Variants in PCDHGB4 observed in about 807,000 individuals in gnomAD.
The protein encoded by PCDHGB4 is protocadherin gamma subfamily B, 4.
In PCDHGB4, 38 loss-of-function variants were observed where a neutral mutation model predicts 60.5. The ratio of observed to expected loss-of-function variants is 0.63; its 90% CI spans 0.48 to 0.82. The LOEUF (loss-of-function observed/expected upper bound fraction) is 0.82. Among genes scored for constraint, PCDHGB4 ranks in the 40% least tolerant of loss-of-function variants. The pLI, the probability that PCDHGB4 is intolerant of heterozygous loss-of-function variation, is 0.00. For synonymous variants in PCDHGB4, 456 were observed against 509.7 expected (o/e 0.89, Z 1.42); for missense variants, 1,109 against 1,209.6 (o/e 0.92, Z 1.23).
In PCDHGB4 at chr5:141,388,782, A is replaced by G. The variant is rs1589071559; in HGVS notation, c.898A>G (p.Thr300Ala). ...CCTGAACTCTAACACCGGGGAAATTACTGTTTTAAATACATTAGATTTTGA... is the reference window on the plus strand; with the variant it reads ...CCTGAACTCTAACACCGGGGAAATTGCTGTTTTAAATACATTAGATTTTGA... ...FDLNSNTGEI[T>A]VLNTLDFEEV... Residue 300 changes from threonine to alanine, a missense_variant, in exon 1 of 4, where the codon ACT (threonine) becomes GCT (alanine). By Grantham distance (58) the Thr-to-Ala change is moderately conservative. Around this residue, in one of 2 missense-constraint regions of PCDHGB4, gnomAD observed 1,068 missense variants for 1,089.9 expected, o/e 0.98. Transcript: ENST00000519479. 1 of 1,613,902 alleles carries G rather than the reference A, an allele frequency of 6.2e-7. No homozygotes were observed. Among genetic ancestry groups the G allele is most frequent in the African/African-American group, 1.3e-5 (1 of 75,044 alleles).
chr5:141,430,804 G>T, intron 1 of PCDHGB4: 2 of 1,525,868 alleles, frequency 1.3e-6, no homozygotes, highest in Non-Finnish European at 1.8e-6. Context: ...GGCTTGTCCT[G>T]CTGGGAATCC....
At chr5:141,394,300 T>G (rs753637808) in intron 1 of PCDHGB4, 2 of 1,613,820 alleles carry the variant, frequency 1.2e-6, no homozygotes, top group African/African-American at 2.7e-5. Context: ...GAGGACACGC[T>G]GCAGGGGGCG....
At chr5:141,501,298 C>T (rs998006748) in intron 2 of PCDHGB4, among the ~76,000 whole-genome samples, 216 of 148,422 alleles carry the variant, frequency 1.5e-3, no homozygotes, top group Admixed American at 2.4e-3. Context: ...TATACACACA[C>T]ACACACACAC....
At chr5:141,422,724 G>T (rs560544401) in intron 1 of PCDHGB4, 3 of 1,606,016 alleles carry the variant, frequency 1.9e-6, no homozygotes, top group Admixed American at 3.3e-5. Context: ...CTGTCCAGGG[G>T]GTGCCTCTGT....
rs760319541 is a variant in PCDHGB4, at chr5:141,477,772, C to T, written c.2398-17035C>T. 1.2e-6 allele frequency: 2 copies of T among 1,614,026 alleles called. No homozygotes were observed. Among genetic ancestry groups the T allele is most frequent in the South Asian group, 1.1e-5 (1 of 91,088 alleles). ...CCCCGGTCCTAGCCACCAACATCAGCGTGAACATATTTGTCACTGATCGCA... is the reference window on the plus strand; with the variant it reads ...CCCCGGTCCTAGCCACCAACATCAGTGTGAACATATTTGTCACTGATCGCA... On this transcript the variant is annotated intron_variant, in intron 1 of 3. Coordinates refer to ENST00000519479, the MANE Select transcript of PCDHGB4 (RefSeq NM_003736.4). This position sits in a 1 kb window ranked among gnomAD's most constrained non-coding sequence, Gnocchi z 4.9.
Position 141,485,432 on chromosome 5 carries a change from A to C in PCDHGB4, c.2398-9375A>C. The C allele has an allele frequency of 6.2e-7, 1 of 1,614,178 alleles. No individual in the cohort carries two copies. Among genetic ancestry groups the C allele is most frequent in the Non-Finnish European group, 8.5e-7 (1 of 1,180,028 alleles). ...TTTGGACAGCGGAGCCCTGCTCATC[A>C]AGAACCCAATCGACCGAGAGGCACT... On this transcript the variant is annotated intron_variant, in intron 1 of 3. Transcript: ENST00000519479. The surrounding 1 kb of genome is among the most constrained non-coding windows in gnomAD (Gnocchi z 5.7).
At chr5:141,417,712 C>T in intron 1 of PCDHGB4, 1 of 1,270,436 alleles carries the variant, frequency 7.9e-7, no homozygotes, top group Non-Finnish European at 1.1e-6. Context: ...ACAGAGGCTC[C>T]CGGCTGCGCA....
intron 2 of PCDHGB4, 147 bp from the exon 3 acceptor site, chr5:141,505,246 G>A (rs2099844792): frequency 2.1e-6 from 3 of 1,436,556 alleles, no homozygotes; most frequent in African/African-American, 1.4e-5. Flanking sequence ...AAGGATTGTA[G>A]AAGTGCCTCC....
rs779390477 is a variant in PCDHGB4 at position 141,419,000 on chromosome 5, G to A, written c.2397+28719G>A. ...GGACCAAGACTCAGGGGAAAATGGG[G>A]AAGTCAGGTGTAGCTTAAGTAGAGG... On this transcript the variant is annotated intron_variant, in intron 1 of 3. Transcript: ENST00000519479. 3.1e-6 allele frequency: 5 copies of A among 1,613,962 alleles called. 1 individual carries two copies. In the South Asian group the frequency reaches 4.4e-5, roughly 14 times the overall value.
intron 1 of PCDHGB4, chr5:141,442,382 T>C (rs1256682275): frequency 6.6e-6 from 1 of 152,290 alleles, no homozygotes; most frequent in East Asian, 1.9e-4. Flanking sequence ...CTACCAGGTG[T>C]GTGCTTCTCC....
intron 1 of PCDHGB4, chr5:141,392,999 C>A: frequency 6.2e-7 from 1 of 1,613,858 alleles, no homozygotes; most frequent in Non-Finnish European, 8.5e-7. Context: ...TGGCGAAGCA[C>A]GGAGTCCGTA....
chr5:141,427,606 G>A (rs965315804), intron 1 of PCDHGB4: 2 of 688,192 alleles, frequency 2.9e-6, no homozygotes, highest in African/African-American at 3.5e-5. Flanking sequence ...CTACGCATTG[G>A]TGAAGTCAAC....
In PCDHGB4 at chr5:141,395,537, A is replaced by ATTGTTTGT. The variant is rs1179408656; in HGVS notation, c.2397+5257_2397+5264dup. On this transcript the variant is annotated intron_variant, in intron 1 of 3. Coordinates refer to ENST00000519479, the MANE Select transcript of PCDHGB4 (RefSeq NM_003736.4). Reference sequence around the variant, plus strand: ...ACCCGTCCATACTGGTAATTTTGCTATTGTTTGTGTGTGTGTGTGTGTGTG... The same window carrying ATTGTTTGT: ...ACCCGTCCATACTGGTAATTTTGCTATTGTTTGTTTGTTTGTGTGTGTGTGTGTGTGTG... 12 of 243,932 alleles carry ATTGTTTGT rather than the reference A, an allele frequency of 4.9e-5. No individual in the cohort carries two copies. In the African/African-American group the frequency reaches 6.6e-4, roughly 13 times the overall value. 15.1% of individuals were successfully genotyped at this position (243,932 alleles called of 1,614,324 possible).
At position 141,511,271 on chromosome 5, in the gene PCDHGB4, C is replaced by T. The variant is rs371445452; in HGVS notation, c.*98C>T. ...GCCTCAGAGTTTCAGGGCTAACCCC[C>T]AGAATACTGGTAGGGGCCAAGGCCA... On this transcript the variant is annotated 3_prime_UTR_variant, in exon 4 of 4. Transcript: ENST00000519479. 9.1e-6 allele frequency: 14 copies of T among 1,544,094 alleles called. No individual in the cohort carries two copies. In the African/African-American group the frequency reaches 1.6e-4, roughly 18 times the overall value.
chr5:141,421,429 G>A, intron 1 of PCDHGB4: 1 of 1,614,090 alleles, frequency 6.2e-7, no homozygotes, highest in Non-Finnish European at 8.5e-7. Context: ...AGTCCGCATC[G>A]TCTCCAGAGG....
At position 141,421,815 on chromosome 5, in the gene PCDHGB4, A is replaced by C. The variant is rs746563152; in HGVS notation, c.2397+31534A>C. ...ATGGGGCCAAGAATCCAGAGCTAGTACTGGAGGGAAGCCTGGACCGAGAGA... is the reference window on the plus strand; with the variant it reads ...ATGGGGCCAAGAATCCAGAGCTAGTCCTGGAGGGAAGCCTGGACCGAGAGA... On this transcript the variant is annotated intron_variant, in intron 1 of 3. Coordinates refer to ENST00000519479, the MANE Select transcript of PCDHGB4 (RefSeq NM_003736.4). 4 of 1,613,764 alleles carry C rather than the reference A, an allele frequency of 2.5e-6. No individual in the cohort carries two copies. The South Asian group carries it at 3.3e-5, about 13-fold the overall frequency.
chr5:141,402,807 T>G, intron 1 of PCDHGB4: 2 of 1,165,464 alleles, frequency 1.7e-6, no homozygotes, highest in Non-Finnish European at 2.3e-6. Flanking sequence ...ACCCGGCAGA[T>G]ACCACAAACC....
rs780380650 is a variant in PCDHGB4 at position 141,432,715 on chromosome 5, C to G, written c.2397+42434C>G. 2.5e-6 allele frequency: 4 copies of G among 1,613,996 alleles called. No homozygotes were observed. Among genetic ancestry groups the G allele is most frequent in the Non-Finnish European group, 3.4e-6 (4 of 1,179,970 alleles). On this transcript the variant is annotated intron_variant, in intron 1 of 3. Transcript: ENST00000519479. The surrounding 1 kb of genome is among the most constrained non-coding windows in gnomAD (Gnocchi z 6.0). ...TGGCCGTCCAGGACCACGGCCAGCC[C>G]CCTCTCTCCGCCACTGTCACGCTCA... is the stretch of plus-strand genomic sequence containing the variant.
intron 1 of PCDHGB4, chr5:141,422,453 G>GA: frequency 6.2e-7 from 1 of 1,611,704 alleles, no homozygotes. Context: ...ATAACAAGCA[G>GA]AGTGCTGGAC....
Sources: allele counts gnomAD v4.1 joint callset (sites outside exome capture counted in the v4.1 genomes callset), GRCh38; gene constraint gnomAD v4.1.1; regional missense constraint gnomAD v4.1.1; non-coding constraint Gnocchi (gnomAD v3.1); transcripts MANE v1.5; gene names NCBI Gene and HGNC (gene_info 2026-07-23, HGNC 2026-07-21).